The following PUDP variants were observed in gnomAD, a reference collection of about 807,000 sequenced individuals.
PUDP encodes the protein pseudouridine-5'-phosphatase.
In PUDP, 8 loss-of-function variants were observed where a neutral mutation model predicts 9.4. The ratio of observed to expected loss-of-function variants is 0.85; its 90% confidence interval spans 0.50 to 1.53. The LOEUF is 1.53. Ranked by LOEUF, PUDP falls within the 40% of genes most tolerant of loss-of-function variation. The pLI is 0.00. For synonymous variants in PUDP, 99 were observed against 80.7 expected, an observed-to-expected ratio of 1.23 and a Z score of -1.22; for missense variants, 188 against 189.7, an observed-to-expected ratio of 0.99 and a Z score of 0.05.
upstream of PUDP, among the ~76,000 whole-genome samples, chrX:6,724,987 G>A (rs184927268): frequency 5.4e-5 from 6 of 111,924 alleles, 1 homozygote; most frequent in African/African-American, 1.9e-4. Context: ...AATGGAACAA[G>A]AGGCAACTGC....
At chrX:6,949,472 C>A (rs1928517127) in intron 3 of PUDP, among the ~76,000 whole-genome samples, 1 of 111,362 alleles carries the variant, frequency 9.0e-6, no homozygotes, top group African/African-American at 3.3e-5. Context: ...TCCATAAAAC[C>A]AAAGGGTCTG....
At chrX:7,014,290 G>C (rs1335346906) in intron 1 of PUDP, among the ~76,000 whole-genome samples, 3 of 109,952 alleles carry the variant, frequency 2.7e-5, no homozygotes, top group Non-Finnish European at 5.7e-5. Context: ...TTAGGGCCGC[G>C]GGTCTCCAGG....
At chrX:7,082,580 T>C (rs1260391019) in intron 2 of PUDP, among the ~76,000 whole-genome samples, 1 of 112,013 alleles carries the variant, frequency 8.9e-6, no homozygotes, top group Non-Finnish European at 1.9e-5. Flanking sequence ...AAGAGCTCTA[T>C]GAAGTGAGAC....
chrX:6,976,239 C>A (rs759440368), intron 3 of PUDP, among the ~76,000 whole-genome samples: 17 of 111,619 alleles, frequency 1.5e-4, no homozygotes, highest in Non-Finnish European at 3.0e-4. Context: ...CCAGGAGCCA[C>A]TGGGGTATGA....
At chrX:6,744,140 A>G (rs926477153) in intron 3 of PUDP, among the ~76,000 whole-genome samples, 2 of 112,117 alleles carry the variant, frequency 1.8e-5, no homozygotes, top group East Asian at 5.6e-4. Context: ...CAAGGTTTGA[A>G]GGAGGACAAT....
intron 3 of PUDP, among the ~76,000 whole-genome samples, chrX:6,794,923 T>TA (rs34708396): frequency 1.3e-3 from 4 of 3,107 alleles, no homozygotes; most frequent in Non-Finnish European, 2.2e-3. Flanking sequence ...ACTTTTTAGG[T>TA]TTTTTTTTTT....
intron 1 of PUDP, among the ~76,000 whole-genome samples, chrX:6,712,819 G>A (rs920030464): frequency 1.8e-5 from 2 of 111,445 alleles, no homozygotes; most frequent in Non-Finnish European, 3.8e-5. Flanking sequence ...AGGCTGAGGC[G>A]GGTGGATCAC....
At chrX:6,814,031 C>T (rs1189950853) in intron 3 of PUDP, among the ~76,000 whole-genome samples, 1 of 110,731 alleles carries the variant, frequency 9.0e-6, no homozygotes, top group Non-Finnish European at 1.9e-5. Flanking sequence ...GACAGCACCA[C>T]GGACAGCTCC....
At chrX:6,816,026 A>C (rs1926226394) in intron 3 of PUDP, among the ~76,000 whole-genome samples, 1 of 106,723 alleles carries the variant, frequency 9.4e-6, no homozygotes, top group Non-Finnish European at 1.9e-5. Context: ...GACAGTATAT[A>C]GCTATTATAT....
chrX:7,100,535 G>T (rs890623369), intron 2 of PUDP, among the ~76,000 whole-genome samples: 5 of 111,721 alleles, frequency 4.5e-5, no homozygotes, highest in Non-Finnish European at 7.5e-5. Flanking sequence ...AAAGTCAAGG[G>T]TTATATTATC....
At chrX:7,072,190 T>C (rs1269497269) in intron 3 of PUDP, among the ~76,000 whole-genome samples, 1 of 111,811 alleles carries the variant, frequency 8.9e-6, no homozygotes, top group Non-Finnish European at 1.9e-5. Context: ...TATGTGGACT[T>C]AGCCCTTATT....
intron 1 of PUDP, among the ~76,000 whole-genome samples, chrX:7,034,789 G>A (rs1364621854): frequency 9.0e-6 from 1 of 111,536 alleles, no homozygotes; most frequent in African/African-American, 3.3e-5. Context: ...TGGACACAGG[G>A]CTATGAAATG....
intron 3 of PUDP, 118 bp from the exon 4 acceptor site, chrX:7,050,590 G>A (rs1930074001): frequency 7.7e-6 from 5 of 647,680 alleles, no homozygotes; most frequent in African/African-American, 6.6e-5. Context: ...CAGAATTACA[G>A]TGGGGGCTCC....
At chrX:7,042,888 G>C (rs1929940880) in intron 1 of PUDP, among the ~76,000 whole-genome samples, 1 of 111,447 alleles carries the variant, frequency 9.0e-6, no homozygotes, top group Non-Finnish European at 1.9e-5. Flanking sequence ...TTGGCAATCA[G>C]ACCTTTAAGT....
At chrX:6,847,700 T>C (rs1201315896) in intron 3 of PUDP, among the ~76,000 whole-genome samples, 3 of 112,474 alleles carry the variant, frequency 2.7e-5, no homozygotes, top group African/African-American at 9.7e-5. Context: ...TATTGCTGTA[T>C]AACAAATGGT....
chrX:7,099,662 C>T (rs777763056), intron 2 of PUDP, among the ~76,000 whole-genome samples: 65 of 112,224 alleles, frequency 5.8e-4, no homozygotes, highest in Non-Finnish European at 1.1e-3. Context: ...TCCATTAGGT[C>T]CACCTTGTCT....
At chrX:6,792,044 C>T (rs1246848261) in intron 3 of PUDP, among the ~76,000 whole-genome samples, 3 of 111,479 alleles carry the variant, frequency 2.7e-5, no homozygotes, top group Non-Finnish European at 5.6e-5. Context: ...ACAGAGGTCT[C>T]CTACTGCATT....
chrX:6,737,283 T>C (rs1290814464), intron 3 of PUDP, among the ~76,000 whole-genome samples: 1 of 112,594 alleles, frequency 8.9e-6, no homozygotes, highest in East Asian at 2.8e-4. Flanking sequence ...TTTTAAACCA[T>C]GCAGTTTGTG....
chrX:6,815,819 A>C (rs1214015072), intron 3 of PUDP, among the ~76,000 whole-genome samples: 1 of 109,978 alleles, frequency 9.1e-6, no homozygotes, highest in Non-Finnish European at 1.9e-5. Flanking sequence ...TTACTGTTTT[A>C]AATCAACTAT....
Sources: gnomAD v4.1 joint callset for allele counts (sites outside exome capture counted in the v4.1 genomes callset) on GRCh38, gnomAD v4.1.1 for gene constraint, MANE v1.5 for transcripts, NCBI Gene and HGNC (gene_info 2026-07-23, HGNC 2026-07-21) for gene names.